UVRAG: variants seen among roughly 807,000 people sequenced by gnomAD.
UVRAG encodes UV radiation resistance-associated gene protein.
A neutral mutation model predicts 78.0 loss-of-function variants in UVRAG; 19 were observed. The observed-to-expected ratio is 0.24, with a 90% CI of 0.17 to 0.36. The LOEUF (loss-of-function observed/expected upper bound fraction) is 0.36, where lower values mean the gene tolerates loss of function less well. UVRAG is among the 10% of genes least tolerant of loss of function. The pLI is 1.00. For missense variants in UVRAG, 740 were observed against 853.8 expected (o/e 0.87, Z 1.66); for synonymous variants, 323 against 324.6 (o/e 1.00, Z 0.05).
At chr11:76,091,561 CTA>C (rs1467675879) in intron 13 of UVRAG, among the ~76,000 whole-genome samples, 1 of 151,988 alleles carries the variant, frequency 6.6e-6, no homozygotes, top group African/African-American at 2.4e-5. Context: ...CTCCTGTTTT[CTA>C]TCTCTTTGTC....
At chr11:75,876,083 G>A (rs1235001664) in intron 3 of UVRAG, among the ~76,000 whole-genome samples, 3 of 151,918 alleles carry the variant, frequency 2.0e-5, no homozygotes, top group Non-Finnish European at 2.9e-5. Flanking sequence ...ATGGCTTCAC[G>A]ACAAAGACCT....
intron 1 of UVRAG, among the ~76,000 whole-genome samples, chr11:75,830,083 G>A (rs1945620359): frequency 6.6e-6 from 1 of 152,010 alleles, no homozygotes; most frequent in African/African-American, 2.4e-5. Flanking sequence ...CAAGTGATCT[G>A]CCTGCCTCGT....
chr11:76,130,795 C>G (rs1952499088), intron 14 of UVRAG, among the ~76,000 whole-genome samples: 1 of 152,150 alleles, frequency 6.6e-6, no homozygotes, highest in Non-Finnish European at 1.5e-5. Context: ...TAGCTCCCTT[C>G]CAAGTCTAGT....
intron 2 of UVRAG, among the ~76,000 whole-genome samples, chr11:75,854,686 G>A (rs1946246559): frequency 6.6e-6 from 1 of 152,126 alleles, no homozygotes; most frequent in South Asian, 2.1e-4. Context: ...CAAAATGCTG[G>A]GATTATAGAT....
intron 12 of UVRAG, among the ~76,000 whole-genome samples, chr11:76,038,703 A>G (rs1348696233): frequency 2.6e-5 from 4 of 152,184 alleles, no homozygotes; most frequent in Admixed American, 2.6e-4. Context: ...GGCCTAATCA[A>G]GTGAACCCTT....
At chr11:75,889,063 C>CA (rs1449759239) in intron 5 of UVRAG, among the ~76,000 whole-genome samples, 160 bp downstream of exon 5, 1 of 152,168 alleles carries the variant, frequency 6.6e-6, no homozygotes, top group African/African-American at 2.4e-5. Context: ...TGGGAAAACT[C>CA]ATTCTGTAAG....
intron 3 of UVRAG, among the ~76,000 whole-genome samples, chr11:75,863,026 T>C (rs993520142): frequency 6.6e-6 from 1 of 152,058 alleles, no homozygotes; most frequent in Non-Finnish European, 1.5e-5. Flanking sequence ...ACCCAGAGAG[T>C]TCCAACAACT....
intron 6 of UVRAG, among the ~76,000 whole-genome samples, chr11:75,922,918 A>G (rs1270538322): frequency 6.7e-6 from 1 of 150,208 alleles, no homozygotes; most frequent in Non-Finnish European, 1.5e-5. Flanking sequence ...GGGCGACAAG[A>G]GCGAAACTAC....
intron 1 of UVRAG, among the ~76,000 whole-genome samples, chr11:75,834,704 C>G (rs1419193184): frequency 3.9e-5 from 6 of 151,992 alleles, no homozygotes; most frequent in African/African-American, 1.2e-4. Flanking sequence ...GTCCTGGTTA[C>G]TTGAGAGGCT....
In UVRAG at chr11:75,857,843, CAT is replaced by C. The variant is rs370234210; in HGVS notation, c.236-3902_236-3901del. 2.0e-3 allele frequency among the ~76,000 whole-genome samples: 298 copies of C among 151,296 alleles called. 2 individuals carry two copies. Among genetic ancestry groups the C allele is most frequent in the African/African-American group, 6.8e-3 (279 of 41,184 alleles). ...TTCTGAATTGCAGGTCTTTATTCCA[CAT>C]GTTTCTCAGAGAAAGTCTCCTTGAT... On this transcript the variant is annotated intron_variant, in intron 2 of 14. Coordinates refer to ENST00000356136, the MANE Select transcript of UVRAG (RefSeq NM_003369.4).
intron 1 of UVRAG, among the ~76,000 whole-genome samples, chr11:75,828,044 T>C (rs1357058690): frequency 2.6e-5 from 4 of 151,994 alleles, no homozygotes; most frequent in African/African-American, 7.3e-5. Context: ...ATTCTGAAAA[T>C]AGATTATGAA....
intron 1 of UVRAG, among the ~76,000 whole-genome samples, chr11:75,815,819 C>A (rs1034936642): frequency 6.6e-6 from 1 of 152,152 alleles, no homozygotes; most frequent in African/African-American, 2.4e-5. Context: ...CCTCCCCCAA[C>A]GCAGGGAGCC....
chr11:76,116,562 A>G (rs1457299626), intron 14 of UVRAG, among the ~76,000 whole-genome samples: 1 of 152,222 alleles, frequency 6.6e-6, no homozygotes, highest in Non-Finnish European at 1.5e-5. Context: ...CAGGATAGAC[A>G]TGGACCTTTG....
intron 13 of UVRAG, among the ~76,000 whole-genome samples, chr11:76,079,439 T>G (rs531850653): frequency 7.3e-5 from 11 of 151,672 alleles, no homozygotes; most frequent in Non-Finnish European, 1.0e-4. Context: ...GAGCTATGAT[T>G]GTGCCACTGC....
At position 75,828,435 on chromosome 11, in the gene UVRAG, C is replaced by A. The variant is rs569231640; in HGVS notation, c.117+12911C>A. Among the ~76,000 whole-genome samples the A allele has an allele frequency of 5.0e-5, 7 of 140,604 alleles. No individual in the cohort carries two copies. The South Asian group carries it at 1.3e-3, about 26-fold the overall frequency. 92.2% of individuals were successfully genotyped at this position (140,604 alleles called of 152,430 possible). ...TCCAGCCTAGGCAATATAGTGAGACCCCCATCTCTAAAAAAAAAAAAAAAA... is the reference window on the plus strand; with the variant it reads ...TCCAGCCTAGGCAATATAGTGAGACACCCATCTCTAAAAAAAAAAAAAAAA... On this transcript the variant is annotated intron_variant, in intron 1 of 14. Transcript: ENST00000356136.
At chr11:75,935,143 AT>A (rs1948342254) in intron 6 of UVRAG, 2 of 152,222 alleles carry the variant, frequency 1.3e-5, no homozygotes, top group South Asian at 4.1e-4. Flanking sequence ...AAGAATCACT[AT>A]TTTCATTGTA....
chr11:76,106,372 A>T (rs910638034), intron 13 of UVRAG, among the ~76,000 whole-genome samples: 1 of 147,012 alleles, frequency 6.8e-6, no homozygotes, highest in Admixed American at 6.8e-5. Flanking sequence ...AGAAATGCCT[A>T]TTTTTTTTTT....
chr11:75,992,021 A>G lies in UVRAG; in HGVS notation c.826+8508A>G, dbSNP rs146850135. ...TATCTAATTTTGTCCTAATAGTCCT[A>G]TACATTAAAGATACTATTATTATCC... On this transcript the variant is annotated intron_variant, in intron 8 of 14. Coordinates refer to ENST00000356136, the MANE Select transcript of UVRAG (RefSeq NM_003369.4). Among the ~76,000 whole-genome samples, 218 of 152,268 alleles carry G rather than the reference A, an allele frequency of 1.4e-3. 5 individuals are homozygous for G. In the East Asian group the frequency reaches 0.032, roughly 23 times the overall value.
intron 4 of UVRAG, among the ~76,000 whole-genome samples, chr11:75,887,987 A>G (rs369803830): frequency 6.6e-6 from 1 of 152,190 alleles, no homozygotes; most frequent in Non-Finnish European, 1.5e-5. Flanking sequence ...TTTGCAGACA[A>G]TAATAGAAGA....
Sources: allele counts gnomAD v4.1 joint callset (sites outside exome capture counted in the v4.1 genomes callset), GRCh38; gene constraint gnomAD v4.1.1; transcripts MANE v1.5; gene names NCBI Gene and HGNC (gene_info 2026-07-23, HGNC 2026-07-21).